CLSPN: variants seen among roughly 807,000 people sequenced by gnomAD.
The protein encoded by CLSPN is claspin.
A neutral mutation model predicts 156.3 loss-of-function variants in CLSPN; 85 were observed. That is an observed-to-expected ratio of 0.54 (90% confidence interval 0.46 to 0.65). The LOEUF (loss-of-function observed/expected upper bound fraction) is 0.65, where lower values mean the gene tolerates loss of function less well. Among genes scored for constraint, CLSPN ranks in the 30% least tolerant of loss-of-function variants. The pLI is 0.00. For missense variants in CLSPN, 1,407 were observed against 1,554.9 expected, an observed-to-expected ratio of 0.90 and a Z score of 1.60; for synonymous variants, 534 against 542.4, an observed-to-expected ratio of 0.98 and a Z score of 0.22.
Position 35,760,553 on chromosome 1 carries a change from C to G in CLSPN, c.1368G>C (p.Leu456=). Residue 456 remains leucine, a synonymous_variant, in exon 8 of 25, where the codon CTG becomes CTC. Coordinates refer to ENST00000318121, the MANE Select transcript of CLSPN (RefSeq NM_022111.4). The part of the protein sequence containing the change: ...GGLVAFEPHA[L]EGEGPQNPEE... ...CTGGATTTTGGGGGCCTTCACCCTC[C>G]AGGGCATGAGGTTCAAATGCTACAA... 1 of 1,614,188 alleles carries G rather than the reference C, an allele frequency of 6.2e-7. No individual in the cohort carries two copies. Among genetic ancestry groups the G allele is most frequent in the Non-Finnish European group, 8.5e-7 (1 of 1,180,032 alleles).
intron 2 of CLSPN, 103 bp downstream of exon 2, chr1:35,765,115 C>T: frequency 1.4e-6 from 1 of 707,462 alleles, no homozygotes; most frequent in Non-Finnish European, 2.4e-6. Context: ...AAGGATGGGG[C>T]ATTAATAATG....
At chr1:35,767,821 T>C (rs1642724407) in intron 1 of CLSPN, among the ~76,000 whole-genome samples, 1 of 152,206 alleles carries the variant, frequency 6.6e-6, no homozygotes, top group African/African-American at 2.4e-5. Context: ...GATGGGTTCA[T>C]TATACCATCC....
intron 1 of CLSPN, among the ~76,000 whole-genome samples, chr1:35,769,523 C>G (rs903852931): frequency 1.3e-5 from 2 of 152,232 alleles, no homozygotes; most frequent in South Asian, 4.1e-4. Flanking sequence ...GGAGGAGCTT[C>G]CGCGACAGGA....
rs764788312 is a variant in CLSPN at position 35,769,913 on chromosome 1, C to T, written c.-43G>A. The T allele has an allele frequency of 6.2e-6, 10 of 1,604,004 alleles. No homozygotes were observed. In the South Asian group the frequency reaches 1.1e-4, roughly 18 times the overall value. On this transcript the variant is annotated 5_prime_UTR_variant, in exon 1 of 25. Transcript: ENST00000318121. ...CGCTCCACTAGGGACGGAGCTGTCT[C>T]TGATTCCCTCAGCCGGAGAGCAGCG...
chr1:35,760,973 A>T lies in CLSPN; in HGVS notation c.1005-57T>A. The T allele has an allele frequency of 2.8e-6, 4 of 1,441,076 alleles. No homozygotes were observed. In the South Asian group the frequency reaches 4.8e-5, roughly 17 times the overall value. 89.3% of individuals were successfully genotyped at this position (1,441,076 alleles called of 1,614,324 possible). On this transcript the variant is annotated intron_variant, in intron 7 of 24. Coordinates refer to ENST00000318121, the MANE Select transcript of CLSPN (RefSeq NM_022111.4). The stretch of plus-strand genomic sequence containing the variant: ...ATTATCCTAAATGTGAAACATTCTC[A>T]TCCCTTAGTATATATCAGTTAAATC...
At chr1:35,769,320 C>G (rs1471013307) in intron 1 of CLSPN, among the ~76,000 whole-genome samples, 1 of 152,190 alleles carries the variant, frequency 6.6e-6, no homozygotes, top group African/African-American at 2.4e-5. Context: ...GCCAGGAGCC[C>G]CAGCGGTGAC....
chr1:35,735,127 A>C lies in CLSPN; in HGVS notation c.*1369T>G. On this transcript the variant is annotated 3_prime_UTR_variant, in exon 25 of 25. Coordinates refer to ENST00000318121, the MANE Select transcript of CLSPN (RefSeq NM_022111.4). ...TCTTCTTGTCAGACCCAGAAGGGAG[A>C]TCTTTGAACAACAGTGCTTCAAATT... 1 of 985,434 alleles carries C rather than the reference A, an allele frequency of 1.0e-6. No homozygotes were observed. The highest frequency in any genetic ancestry group is 1.2e-6 in the Non-Finnish European group (1 of 829,926). 61.0% of individuals were successfully genotyped at this position (985,434 alleles called of 1,614,324 possible). A position where few individuals can be genotyped will look rare whatever the true frequency, so the allele number is the denominator to read the frequency against.
In CLSPN at chr1:35,736,349, GT is replaced by G. The variant is rs1641471339; in HGVS notation, c.*146del. The G allele has an allele frequency of 2.2e-6, 3 of 1,366,874 alleles. No homozygotes were observed. Among genetic ancestry groups the G allele is most frequent in the Non-Finnish European group, 2.8e-6 (3 of 1,061,060 alleles). 84.7% of individuals were successfully genotyped at this position (1,366,874 alleles called of 1,614,324 possible). On this transcript the variant is annotated 3_prime_UTR_variant, in exon 25 of 25. Transcript: ENST00000318121. ...GAAAAGAGATGTCCAGAGCTGTGCAGTAGAAATCACTGGAATTTCTGTCTGC... is the reference window on the plus strand; with the variant it reads ...GAAAAGAGATGTCCAGAGCTGTGCAGAGAAATCACTGGAATTTCTGTCTGC...
rs1397866698 is a variant in CLSPN, at chr1:35,734,803, C to T, written c.*1693G>A. On this transcript the variant is annotated 3_prime_UTR_variant, in exon 25 of 25. Coordinates refer to ENST00000318121, the MANE Select transcript of CLSPN (RefSeq NM_022111.4). ...CCCATCTCCCAGTAAAAAACTGGCA[C>T]ACTCTCTTCCAACTGCCCAAGTACA... The T allele has an allele frequency of 1.0e-6, 1 of 985,182 alleles. No individual in the cohort carries two copies. Among genetic ancestry groups the T allele is most frequent in the African/African-American group, 1.7e-5 (1 of 57,204 alleles). 61.0% of individuals were successfully genotyped at this position (985,182 alleles called of 1,614,324 possible).
chr1:35,757,208 C>T (rs751369365), intron 8 of CLSPN, among the ~76,000 whole-genome samples: 8 of 152,136 alleles, frequency 5.3e-5, no homozygotes, highest in East Asian at 1.9e-4. Flanking sequence ...ATACCTTGAT[C>T]GCAGCACTTA....
At position 35,734,396 on chromosome 1, in the gene CLSPN, C is replaced by T; in HGVS notation, c.*2100G>A. ...TTGAGTATTAGAAAACTGTAGAAAACCGGCCGGGTGCGGTGGCTCATGCCT... is the reference window on the plus strand; with the variant it reads ...TTGAGTATTAGAAAACTGTAGAAAATCGGCCGGGTGCGGTGGCTCATGCCT... On this transcript the variant is annotated 3_prime_UTR_variant, in exon 25 of 25. Coordinates refer to ENST00000318121, the MANE Select transcript of CLSPN (RefSeq NM_022111.4). 1.0e-6 allele frequency: 1 copy of T among 985,048 alleles called. No homozygotes were observed. Among genetic ancestry groups the T allele is most frequent in the East Asian group, 1.1e-4 (1 of 8,796 alleles). 61.0% of individuals were successfully genotyped at this position (985,048 alleles called of 1,614,324 possible).
At chr1:35,741,973 C>CAAAAAAA (rs767602385) in intron 18 of CLSPN, among the ~76,000 whole-genome samples, 2 of 55,676 alleles carry the variant, frequency 3.6e-5, no homozygotes, top group African/African-American at 9.7e-5. Context: ...GACTCCGTCT[C>CAAAAAAA]AAAAAAAAAA....
intron 9 of CLSPN, among the ~76,000 whole-genome samples, chr1:35,753,121 C>A (rs1044265165): frequency 6.6e-6 from 1 of 152,152 alleles, no homozygotes; most frequent in Non-Finnish European, 1.5e-5. Flanking sequence ...GAGACAGGGT[C>A]TCACTCTCTC....
intron 24 of CLSPN, among the ~76,000 whole-genome samples, chr1:35,724,677 A>G (rs1323809747): frequency 6.6e-6 from 1 of 152,244 alleles, no homozygotes; most frequent in East Asian, 1.9e-4. Context: ...TGCCTTAAAA[A>G]TTGTTCAATA....
intron 8 of CLSPN, among the ~76,000 whole-genome samples, chr1:35,754,848 A>G (rs189402097): frequency 4.6e-4 from 70 of 152,254 alleles, no homozygotes; most frequent in African/African-American, 1.6e-3. Flanking sequence ...ACAAACGGAA[A>G]TATATATATA....
chr1:35,762,200 G>A (rs1571220468), intron 5 of CLSPN, 130 bp from the exon 6 acceptor site: 1 of 810,632 alleles, frequency 1.2e-6, no homozygotes, highest in Non-Finnish European at 2.0e-6. Flanking sequence ...AAGCCCAAAT[G>A]CAGTATAAAC....
Position 35,733,326 on chromosome 1 carries a change from T to TC in CLSPN, c.*3169_*3170insG, listed in dbSNP as rs1641365461. On this transcript the variant is annotated 3_prime_UTR_variant, in exon 25 of 25. Coordinates refer to ENST00000318121, the MANE Select transcript of CLSPN (RefSeq NM_022111.4). ...CTAATTTTCTTTTTTTTTTCTTTTT[T>TC]TTTTTTTTTTTAGAGTTGGGATTTC... The TC allele has an allele frequency of 3.3e-5, 8 of 241,020 alleles. No individual in the cohort carries two copies. The South Asian group carries it at 1.1e-3, about 33-fold the overall frequency. 14.9% of individuals were successfully genotyped at this position (241,020 alleles called of 1,614,324 possible). A position where few individuals can be genotyped will look rare whatever the true frequency, so the allele number is the denominator to read the frequency against.
downstream of CLSPN, among the ~76,000 whole-genome samples, chr1:35,731,131 C>G (rs372480273): frequency 6.7e-6 from 1 of 148,788 alleles, no homozygotes; most frequent in African/African-American, 2.5e-5. Context: ...ACCCGGGAGG[C>G]AGAGGTTGCA....
rs777196582 is a variant in CLSPN at position 35,743,494 on chromosome 1, A to G, written c.3003T>C (p.Phe1001=). 5.6e-6 allele frequency: 9 copies of G among 1,613,902 alleles called. No individual in the cohort carries two copies. The highest frequency in any genetic ancestry group is 4.5e-5 in the East Asian group (2 of 44,872). Residue 1001 remains phenylalanine, a synonymous_variant, in exon 17 of 25, where the codon TTT becomes TTC. Coordinates refer to ENST00000318121, the MANE Select transcript of CLSPN (RefSeq NM_022111.4). The part of the protein sequence containing the change: ...EEDEEEEFGD[F]RLVSNDNEFD... Reference sequence around the variant, plus strand: ...ACTCATTATCATTTGAAACAAGCCGAAAGTCTCCAAATTCCTCCTCCTCGT... The same window carrying G: ...ACTCATTATCATTTGAAACAAGCCGGAAGTCTCCAAATTCCTCCTCCTCGT...
Sources: allele counts gnomAD v4.1 joint callset (sites outside exome capture counted in the v4.1 genomes callset), GRCh38; gene constraint gnomAD v4.1.1; transcripts MANE v1.5; gene names NCBI Gene and HGNC (gene_info 2026-07-23, HGNC 2026-07-21).